GBF1: variants seen among roughly 807,000 people sequenced by gnomAD.
GBF1 encodes golgi brefeldin A resistant guanine nucleotide exchange factor 1.
In GBF1, 114 loss-of-function variants were observed where a neutral mutation model predicts 210.5. The ratio of observed to expected loss-of-function variants is 0.54; its 90% CI spans 0.47 to 0.63. The LOEUF (loss-of-function observed/expected upper bound fraction) is 0.63. GBF1 is among the 30% of genes least tolerant of loss of function. The pLI is 0.00. For missense variants in GBF1, 1,851 were observed against 2,357.7 expected, an observed-to-expected ratio of 0.79 and a Z score of 4.45; for synonymous variants, 850 against 889.2, an observed-to-expected ratio of 0.96 and a Z score of 0.78.
chr10:102,289,624 C>A (rs2076271547), intron 3 of GBF1, among the ~76,000 whole-genome samples: 1 of 152,120 alleles, frequency 6.6e-6, no homozygotes, highest in African/African-American at 2.4e-5. Context: ...GTAAATAAAC[C>A]CTGGCCTCAT....
chr10:102,348,125 T>C (rs946354794), intron 4 of GBF1, among the ~76,000 whole-genome samples: 1 of 151,978 alleles, frequency 6.6e-6, no homozygotes, highest in Non-Finnish European at 1.5e-5. Context: ...TTAGTAGAGA[T>C]GGGGTCTCGC....
chr10:102,356,747 GCA>G (rs2059313570), intron 8 of GBF1, among the ~76,000 whole-genome samples: 1 of 143,716 alleles, frequency 7.0e-6, no homozygotes, highest in South Asian at 2.2e-4. Flanking sequence ...AGCCTGGGTG[GCA>G]CAGTGAGACT....
In GBF1 at chr10:102,382,852, C is replaced by CAA. The variant is rs1249057490; in HGVS notation, c.*517_*518dup. On this transcript the variant is annotated 3_prime_UTR_variant, in exon 40 of 40. Coordinates refer to ENST00000369983, the MANE Select transcript of GBF1 (RefSeq NM_001377137.1). The stretch of plus-strand genomic sequence containing the variant: ...AGCATGTACATATGGAAAAACAGAA[C>CAA]AACAGTGGACTTTTTATGATATAAT... 1.3e-5 allele frequency: 2 copies of CAA among 154,732 alleles called. No homozygotes were observed. The highest frequency in any genetic ancestry group is 4.8e-5 in the African/African-American group (2 of 41,502). 9.6% of individuals were successfully genotyped at this position (154,732 alleles called of 1,614,324 possible).
At chr10:102,354,008 C>T (rs1299893812) in intron 8 of GBF1, among the ~76,000 whole-genome samples, 1 of 152,178 alleles carries the variant, frequency 6.6e-6, no homozygotes, top group Non-Finnish European at 1.5e-5. Flanking sequence ...CCTAGAGAGG[C>T]TATGTCCCAA....
chr10:102,237,588 G>T, the GBF1 span, among the ~76,000 whole-genome samples: 2 of 151,796 alleles, frequency 1.3e-5, no homozygotes, highest in African/African-American at 4.8e-5. Flanking sequence ...CCTGAATAAA[G>T]AAAAAAACCC....
chr10:102,243,868 A>G (rs2070619798), upstream of GBF1, among the ~76,000 whole-genome samples: 1 of 152,080 alleles, frequency 6.6e-6, no homozygotes, highest in Admixed American at 6.5e-5. Flanking sequence ...GGTGGCTCAC[A>G]CCTGTAATCT....
chr10:102,364,705 T>C (rs2059814460), intron 17 of GBF1, among the ~76,000 whole-genome samples: 1 of 151,656 alleles, frequency 6.6e-6, no homozygotes, highest in African/African-American at 2.4e-5. Context: ...AAAAATTAGC[T>C]GGGCATGGTG....
the GBF1 span, chr10:102,230,905 G>C: frequency 1.2e-6 from 2 of 1,611,960 alleles, no homozygotes; most frequent in Non-Finnish European, 1.7e-6. Flanking sequence ...CGAGTTGAAG[G>C]CGAATGGAAA....
At chr10:102,316,155 C>G (rs1413053397) in intron 3 of GBF1, among the ~76,000 whole-genome samples, 1 of 142,140 alleles carries the variant, frequency 7.0e-6, no homozygotes, top group Non-Finnish European at 1.5e-5. Flanking sequence ...GGTGCAATAT[C>G]AGCTCACTGC....
chr10:102,253,291 A>C (rs1046288471), intron 1 of GBF1, among the ~76,000 whole-genome samples: 1 of 152,176 alleles, frequency 6.6e-6, no homozygotes, highest in African/African-American at 2.4e-5. Flanking sequence ...CTGAGGCTGC[A>C]TGTATGTATG....
chr10:102,239,392 C>T, the GBF1 span, among the ~76,000 whole-genome samples: 1 of 152,208 alleles, frequency 6.6e-6, no homozygotes, highest in African/African-American at 2.4e-5. Context: ...CCTTTCCTGA[C>T]ACAGAGTCCT....
intron 29 of GBF1, among the ~76,000 whole-genome samples, chr10:102,372,866 C>A (rs2060285669): frequency 6.6e-6 from 1 of 152,176 alleles, no homozygotes; most frequent in Non-Finnish European, 1.5e-5. Context: ...GAATTTTTAG[C>A]ATGTTTGGCA....
chr10:102,370,593 C>A, intron 28 of GBF1, 114 bp from the exon 29 acceptor site: 2 of 1,301,506 alleles, frequency 1.5e-6, no homozygotes, highest in Non-Finnish European at 1.1e-6. Context: ...GAAGCTTACT[C>A]ATCATACCTG....
chr10:102,293,123 A>T (rs1239529121), intron 3 of GBF1, among the ~76,000 whole-genome samples: 1 of 152,204 alleles, frequency 6.6e-6, no homozygotes, highest in Non-Finnish European at 1.5e-5. Context: ...ATATTAATTT[A>T]TCTGAAGATG....
chr10:102,354,231 G>A (rs530296136), intron 8 of GBF1, among the ~76,000 whole-genome samples: 2 of 152,326 alleles, frequency 1.3e-5, no homozygotes, highest in African/African-American at 4.8e-5. Context: ...TACCTATGGA[G>A]ATGACCCTTA....
chr10:102,381,736 G>A (rs2060859713), intron 39 of GBF1, among the ~76,000 whole-genome samples: 1 of 145,062 alleles, frequency 6.9e-6, no homozygotes, highest in South Asian at 2.3e-4. Flanking sequence ...GAGGTGGAAG[G>A]ATCGCTTGAA....
intron 1 of GBF1, among the ~76,000 whole-genome samples, chr10:102,253,965 A>G (rs768189731): frequency 2.6e-5 from 4 of 152,046 alleles, no homozygotes; most frequent in South Asian, 4.1e-4. Context: ...TGAAACACCT[A>G]TTCATCTCTG....
chr10:102,264,659 TG>T (rs1181817297), intron 3 of GBF1, among the ~76,000 whole-genome samples: 1 of 152,270 alleles, frequency 6.6e-6, no homozygotes, highest in African/African-American at 2.4e-5. Flanking sequence ...CCTGTCTGTC[TG>T]CCCCTTTGGG....
chr10:102,370,761 T>A lies in GBF1; in HGVS notation c.3561T>A (p.Cys1187Ter). The change falls in exon 29 of 40, where the codon TGT becomes TGA. Residue 1187 changes from cysteine to a stop codon, truncating the protein, a stop_gained. Transcript: ENST00000369983. LOFTEE classifies it high-confidence loss of function. ...QTVRDHLYHL[C>*]VQAQDFCFLV... ...TTCGAGACCATCTATACCACCTCTG[T>A]GTTCAGGCACAAGATTTCTGCTTCC... is the stretch of plus-strand genomic sequence containing the variant. The A allele has an allele frequency of 6.2e-7, 1 of 1,614,054 alleles. No individual in the cohort carries two copies. Among genetic ancestry groups the A allele is most frequent in the Non-Finnish European group, 8.5e-7 (1 of 1,179,914 alleles).
Sources: allele counts gnomAD v4.1 joint callset (sites outside exome capture counted in the v4.1 genomes callset), GRCh38; gene constraint gnomAD v4.1.1; transcripts MANE v1.5; gene names NCBI Gene and HGNC (gene_info 2026-07-23, HGNC 2026-07-21).